The following SPTY2D1 variants were observed in gnomAD, a reference collection of about 807,000 sequenced individuals.
SPTY2D1 encodes the protein protein SPT2 homolog.
In SPTY2D1, 21 loss-of-function variants were observed where a neutral mutation model predicts 64.0. The ratio of observed to expected loss-of-function variants is 0.33; its 90% CI spans 0.23 to 0.47. The LOEUF (loss-of-function observed/expected upper bound fraction) is 0.47, where lower values mean the gene tolerates loss of function less well. SPTY2D1 is among the 20% of genes least tolerant of loss of function. The pLI is 1.00. For missense variants in SPTY2D1, 724 were observed against 837.2 expected (o/e 0.86, Z 1.67); for synonymous variants, 287 against 286.8 (o/e 1.00, Z -0.01).
At chr11:18,621,685 C>G (rs1408201341) in intron 1 of SPTY2D1, among the ~76,000 whole-genome samples, 2 of 152,272 alleles carry the variant, frequency 1.3e-5, no homozygotes, top group East Asian at 3.9e-4. Flanking sequence ...TCTTCAACAA[C>G]TTAAAAAGCT....
rs1344196240 is a variant in SPTY2D1 at position 18,607,615 on chromosome 11, T to G, written c.*2246A>C. ...CAGCCTACTCCAGTTTCTTCAAAGG[T>G]TTGTGAGCTTTTTATAAGAGTGGTC... On this transcript the variant is annotated 3_prime_UTR_variant, in exon 6 of 6. Transcript: ENST00000336349. The G allele has an allele frequency of 2.6e-5, 4 of 152,570 alleles. No homozygotes were observed. The highest frequency in any genetic ancestry group is 9.7e-5 in the African/African-American group (4 of 41,430). 9.5% of individuals were successfully genotyped at this position (152,570 alleles called of 1,614,324 possible).
chr11:18,612,588 T>C lies in SPTY2D1; in HGVS notation c.1712-100A>G. The C allele has an allele frequency of 9.1e-7, 1 of 1,103,498 alleles. No individual in the cohort carries two copies. Among genetic ancestry groups the C allele is most frequent in the Non-Finnish European group, 1.2e-6 (1 of 810,894 alleles). The allele number at this position is 1,103,498 out of a possible 1,614,324, so 68.4% of individuals were successfully genotyped here. A position where few individuals can be genotyped will look rare whatever the true frequency, so the allele number is the denominator to read the frequency against. ...GAGTCATCATTAAGATGGTATCCTT[T>C]AAAACCAGAGCAAGCAGGCTGGCCC... On this transcript the variant is annotated intron_variant, in intron 3 of 5. Transcript: ENST00000336349. This position sits in a 1 kb window ranked among gnomAD's most constrained non-coding sequence, Gnocchi z 4.6.
Position 18,615,572 on chromosome 11 carries a change from C to A in SPTY2D1, c.702G>T (p.Gln234His). 6.2e-7 allele frequency: 1 copy of A among 1,614,224 alleles called. No homozygotes were observed. The highest frequency in any genetic ancestry group is 1.6e-4 in the Middle Eastern group (1 of 6,062). The change falls in exon 3 of 6, where the codon CAG (glutamine) becomes CAT (histidine). Residue 234 changes from glutamine to histidine, a missense_variant. By Grantham distance (24) the Gln-to-His change is conservative. Around this residue, in one of 3 missense-constraint regions of SPTY2D1, gnomAD observed 426 missense variants for 431.8 expected, o/e 0.99. Transcript: ENST00000336349. ...PPTVSKKAPS[Q>H]KESVGTKLSK... ...TAAGTTTTGTGCCCACACTTTCTTT[C>A]TGAGAGGGTGCCTTTTTGGACACAG...
At chr11:18,627,258 C>CAAAAAAAAAAAA (rs1192277676) in intron 1 of SPTY2D1, among the ~76,000 whole-genome samples, 1 of 48,714 alleles carries the variant, frequency 2.1e-5, no homozygotes. Flanking sequence ...ACTAAAAATA[C>CAAAAAAAAAAAA]AAAAAAAAAA....
intron 1 of SPTY2D1, among the ~76,000 whole-genome samples, chr11:18,632,019 G>C (rs1375855150): frequency 1.3e-5 from 2 of 152,028 alleles, no homozygotes; most frequent in Non-Finnish European, 2.9e-5. Context: ...GGTGACAGGT[G>C]CCTGTAGTCC....
rs1164822445 is a variant in SPTY2D1, at chr11:18,608,074, T to A, written c.*1787A>T. 2 of 152,616 alleles carry A rather than the reference T, an allele frequency of 1.3e-5. No homozygotes were observed. The highest frequency in any genetic ancestry group is 2.9e-5 in the Non-Finnish European group (2 of 68,012). 9.5% of individuals were successfully genotyped at this position (152,616 alleles called of 1,614,324 possible). The stretch of plus-strand genomic sequence containing the variant: ...CAGAGGAATTGATGTTCTAAGCCTG[T>A]TTTATTACATGGGACATCACACTAC... On this transcript the variant is annotated 3_prime_UTR_variant, in exon 6 of 6. Transcript: ENST00000336349.
intron 1 of SPTY2D1, among the ~76,000 whole-genome samples, chr11:18,621,206 A>G (rs757520844): frequency 6.6e-6 from 1 of 151,554 alleles, no homozygotes; most frequent in Middle Eastern, 3.4e-3. Context: ...CTGAGGCAGT[A>G]ATTGCTTGAA....
chr11:18,625,371 C>T (rs1854478486), intron 1 of SPTY2D1, among the ~76,000 whole-genome samples: 1 of 152,144 alleles, frequency 6.6e-6, no homozygotes, highest in South Asian at 2.1e-4. Flanking sequence ...CAAAAACATA[C>T]CTGATTATAA....
At chr11:18,620,476 C>T (rs1020937490) in intron 1 of SPTY2D1, among the ~76,000 whole-genome samples, 2 of 151,510 alleles carry the variant, frequency 1.3e-5, no homozygotes, top group Non-Finnish European at 2.9e-5. Flanking sequence ...GAGACTCGGT[C>T]TCAAAAAAAC....
chr11:18,619,702 A>G lies in SPTY2D1; in HGVS notation c.61-2713T>C, dbSNP rs1854360406. Among the ~76,000 whole-genome samples, 3 of 152,242 alleles carry G rather than the reference A, an allele frequency of 2.0e-5. No individual in the cohort carries two copies. The South Asian group carries it at 6.2e-4, about 32-fold the overall frequency. ...AACCAGGGAGTCGGAGGCTGCAGTG[A>G]GCCAAAATTGCGCCACTGCACTCCA... On this transcript the variant is annotated intron_variant, in intron 1 of 5. Coordinates refer to ENST00000336349, the MANE Select transcript of SPTY2D1 (RefSeq NM_194285.3).
chr11:18,617,157 G>A (rs1041140526), intron 1 of SPTY2D1, among the ~76,000 whole-genome samples, 168 bp from the exon 2 acceptor site: 4 of 152,112 alleles, frequency 2.6e-5, no homozygotes, highest in Non-Finnish European at 4.4e-5. Context: ...TAAAATTTCA[G>A]ACTATTTATT....
chr11:18,628,598 C>T (rs1376976081), intron 1 of SPTY2D1, among the ~76,000 whole-genome samples: 1 of 152,222 alleles, frequency 6.6e-6, no homozygotes, highest in African/African-American at 2.4e-5. Context: ...GAAATACACA[C>T]ATTTTGAAAT....
intron 1 of SPTY2D1, among the ~76,000 whole-genome samples, chr11:18,629,192 A>C (rs948291417): frequency 6.6e-6 from 1 of 152,212 alleles, no homozygotes; most frequent in East Asian, 1.9e-4. Flanking sequence ...CTTATGCTTT[A>C]CAAGCCATCA....
intron 1 of SPTY2D1, among the ~76,000 whole-genome samples, chr11:18,627,649 G>C (rs186488880): frequency 9.2e-5 from 14 of 152,004 alleles, no homozygotes; most frequent in African/African-American, 3.4e-4. Flanking sequence ...GAGGCCGAGG[G>C]GGGTGGATCA....
At chr11:18,634,086 G>T in intron 1 of SPTY2D1, 112 bp downstream of exon 1, 1 of 1,196,260 alleles carries the variant, frequency 8.4e-7, no homozygotes, top group African/African-American at 1.5e-5. Context: ...AGGCGTCCGG[G>T]TCTTTCCTCT....
chr11:18,629,296 T>C (rs1854547986), intron 1 of SPTY2D1, among the ~76,000 whole-genome samples: 1 of 147,482 alleles, frequency 6.8e-6, no homozygotes, highest in Non-Finnish European at 1.5e-5. Flanking sequence ...AGGCCAGGAG[T>C]TCGAGACCAG....
intron 1 of SPTY2D1, among the ~76,000 whole-genome samples, chr11:18,624,034 A>C (rs2134115954): frequency 6.6e-6 from 1 of 152,312 alleles, no homozygotes; most frequent in Non-Finnish European, 1.5e-5. Flanking sequence ...ATGTGGATGC[A>C]CATTTTCCTT....
Position 18,612,547 on chromosome 11 carries a change from T to C in SPTY2D1, c.1712-59A>G, listed in dbSNP as rs1854223907. Reference sequence around the variant, plus strand: ...TTAAAATAGTTCCAATGCAGTTCTATGTAAACTGAAATTGTGAGTCATCAT... The same window carrying C: ...TTAAAATAGTTCCAATGCAGTTCTACGTAAACTGAAATTGTGAGTCATCAT... On this transcript the variant is annotated intron_variant, in intron 3 of 5. Coordinates refer to ENST00000336349, the MANE Select transcript of SPTY2D1 (RefSeq NM_194285.3). This position sits in a 1 kb window ranked among gnomAD's most constrained non-coding sequence, Gnocchi z 4.6. 7.0e-7 allele frequency: 1 copy of C among 1,424,198 alleles called. No homozygotes were observed. The highest frequency in any genetic ancestry group is 1.5e-5 in the African/African-American group (1 of 68,938). The allele number at this position is 1,424,198 out of a possible 1,614,324, so 88.2% of individuals were successfully genotyped here.
chr11:18,629,278 A>G (rs1007889169), intron 1 of SPTY2D1, among the ~76,000 whole-genome samples: 2 of 152,144 alleles, frequency 1.3e-5, no homozygotes, highest in African/African-American at 4.8e-5. Flanking sequence ...AGGCAGGCAG[A>G]TCACTTGAGG....
Sources: gnomAD v4.1 joint callset for allele counts (sites outside exome capture counted in the v4.1 genomes callset) on GRCh38, gnomAD v4.1.1 for gene constraint, gnomAD v4.1.1 regional missense constraint, Gnocchi (gnomAD v3.1) non-coding constraint, MANE v1.5 for transcripts, NCBI Gene and HGNC (gene_info 2026-07-23, HGNC 2026-07-21) for gene names.